TSHZ2: variants seen among roughly 807,000 people sequenced by gnomAD.
TSHZ2 encodes the protein teashirt zinc finger homeobox 2, also known as teashirt homolog 2.
A neutral mutation model predicts 74.4 loss-of-function variants in TSHZ2; 21 were observed. The observed-to-expected ratio is 0.28, with a 90% CI of 0.20 to 0.41. The LOEUF (loss-of-function observed/expected upper bound fraction) is 0.41. Among genes scored for constraint, TSHZ2 ranks in the 10% least tolerant of loss-of-function variants. The pLI is 1.00. For missense variants in TSHZ2, 1,244 were observed against 1,293.5 expected (o/e 0.96, Z 0.59); for synonymous variants, 540 against 515.3 (o/e 1.05, Z -0.65).
chr20:53,043,715 T>A (rs968413782), intron 1 of TSHZ2, among the ~76,000 whole-genome samples: 7 of 152,096 alleles, frequency 4.6e-5, no homozygotes, highest in African/African-American at 1.7e-4. Context: ...GAATATAGGA[T>A]TTGTATATAT....
At chr20:53,182,283 C>A (rs575610657) in intron 1 of TSHZ2, among the ~76,000 whole-genome samples, 1 of 141,108 alleles carries the variant, frequency 7.1e-6, no homozygotes, top group Admixed American at 7.2e-5. Context: ...CTCCCTCCTC[C>A]GTCCCTGCCT....
intron 2 of TSHZ2, among the ~76,000 whole-genome samples, chr20:53,373,424 C>A (rs1020082209): frequency 1.3e-5 from 2 of 152,174 alleles, no homozygotes; most frequent in African/African-American, 4.8e-5. Flanking sequence ...GCATTCCAAG[C>A]ATTTTAAATA....
At chr20:53,053,212 A>G (rs1042079585) in intron 1 of TSHZ2, among the ~76,000 whole-genome samples, 2 of 152,194 alleles carry the variant, frequency 1.3e-5, no homozygotes, top group African/African-American at 4.8e-5. Flanking sequence ...ATGTTGTATC[A>G]GCACTTCATT....
intron 1 of TSHZ2, among the ~76,000 whole-genome samples, chr20:53,009,174 T>C (rs1030473705): frequency 6.6e-6 from 1 of 151,612 alleles, no homozygotes; most frequent in Non-Finnish European, 1.5e-5. Context: ...AAAAAATATA[T>C]ATATATACAA....
chr20:53,157,406 G>GTTT (rs369371699), intron 1 of TSHZ2, among the ~76,000 whole-genome samples: 2,836 of 134,766 alleles, frequency 0.021, 121 homozygotes, highest in African/African-American at 0.074. Context: ...CATTGAGTTG[G>GTTT]TTTTTTTTTT....
At chr20:53,401,052 G>A (rs1982641307) in intron 2 of TSHZ2, 1 of 152,232 alleles carries the variant, frequency 6.6e-6, no homozygotes, top group Non-Finnish European at 1.5e-5. Flanking sequence ...TGCAAGTTAA[G>A]TAACCAGCCC....
intron 1 of TSHZ2, among the ~76,000 whole-genome samples, chr20:53,027,012 C>T (rs1162396933): frequency 1.1e-4 from 17 of 151,832 alleles, no homozygotes; most frequent in African/African-American, 4.1e-4. Flanking sequence ...AAATAAACAA[C>T]AAAAACTACA....
intron 2 of TSHZ2, among the ~76,000 whole-genome samples, chr20:53,468,151 G>C (rs1985617243): frequency 1.3e-5 from 2 of 152,156 alleles, no homozygotes; most frequent in Admixed American, 1.3e-4. Context: ...TAGTGGAGGG[G>C]GGTGGAGTAG....
intron 1 of TSHZ2, chr20:53,178,593 C>T (rs553513486): frequency 6.6e-6 from 1 of 152,212 alleles, no homozygotes; most frequent in Non-Finnish European, 1.5e-5. Context: ...CAAATTGCAT[C>T]CCAATTTCAT....
intron 2 of TSHZ2, chr20:53,412,634 G>A (rs369161878): frequency 6.6e-6 from 1 of 152,312 alleles, no homozygotes; most frequent in African/African-American, 2.4e-5. Context: ...CCGTCTCTCA[G>A]GGGGTGCACA....
intron 2 of TSHZ2, among the ~76,000 whole-genome samples, chr20:53,408,318 A>G (rs12626006): frequency 0.086 from 13,048 of 152,238 alleles, 1,454 homozygotes; most frequent in African/African-American, 0.25. Context: ...CTCAAACCAC[A>G]TTAGTGGAGA....
chr20:52,984,653 G>T (rs569622898), intron 1 of TSHZ2, among the ~76,000 whole-genome samples: 1 of 152,298 alleles, frequency 6.6e-6, no homozygotes, highest in African/African-American at 2.4e-5. Context: ...GGGTGCAGGA[G>T]CAGAGTCAGG....
intron 1 of TSHZ2, among the ~76,000 whole-genome samples, chr20:53,162,022 T>C (rs898536965): frequency 1.3e-5 from 2 of 152,198 alleles, no homozygotes; most frequent in African/African-American, 4.8e-5. Flanking sequence ...ATAGTGACTA[T>C]ATGGCAAATC....
At chr20:53,403,180 C>T (rs565465371) in intron 2 of TSHZ2, among the ~76,000 whole-genome samples, 6 of 152,250 alleles carry the variant, frequency 3.9e-5, no homozygotes, top group African/African-American at 9.6e-5. Context: ...TTCATTAATT[C>T]GCTTAGGATG....
intron 1 of TSHZ2, among the ~76,000 whole-genome samples, chr20:53,015,809 G>A (rs1383012305): frequency 6.6e-6 from 1 of 152,168 alleles, no homozygotes; most frequent in Non-Finnish European, 1.5e-5. Flanking sequence ...AGGGTGAGAA[G>A]TGGGGGAAAG....
chr20:53,121,084 C>T (rs1986796638), intron 1 of TSHZ2, among the ~76,000 whole-genome samples: 1 of 152,116 alleles, frequency 6.6e-6, no homozygotes, highest in Admixed American at 6.5e-5. Context: ...AAGATGTAGG[C>T]CTCCTTGGAA....
At chr20:53,033,651 CTTTTTTTTTTTTTT>C (rs61445726) in intron 1 of TSHZ2, among the ~76,000 whole-genome samples, 1 of 59,020 alleles carries the variant, frequency 1.7e-5, no homozygotes, top group Non-Finnish European at 3.0e-5. Flanking sequence ...TGATAAAAAG[CTTTTTTTTTTTTTT>C]TTTTTTTTTT....
chr20:53,316,989 C>T (rs1203041015), intron 2 of TSHZ2, among the ~76,000 whole-genome samples: 1 of 152,142 alleles, frequency 6.6e-6, no homozygotes, highest in Non-Finnish European at 1.5e-5. Context: ...TGGCTTAATG[C>T]TGGCTTCAAG....
intron 1 of TSHZ2, among the ~76,000 whole-genome samples, chr20:53,245,636 G>A (rs971009165): frequency 6.6e-6 from 1 of 152,224 alleles, no homozygotes; most frequent in Non-Finnish European, 1.5e-5. Context: ...CTTGTTAAAT[G>A]ATTTCTATTC....
Sources: gnomAD v4.1 joint callset for allele counts (sites outside exome capture counted in the v4.1 genomes callset) on GRCh38, gnomAD v4.1.1 for gene constraint, MANE v1.5 for transcripts, NCBI Gene and HGNC (gene_info 2026-07-23, HGNC 2026-07-21) for gene names.